PCDHA6: variants seen among roughly 807,000 people sequenced by gnomAD.
PCDHA6 encodes protocadherin alpha 6.
A neutral mutation model predicts 60.3 loss-of-function variants in PCDHA6; 55 were observed. The ratio of observed to expected loss-of-function variants is 0.91; its 90% CI spans 0.73 to 1.14. The LOEUF (loss-of-function observed/expected upper bound fraction) is 1.14, where lower values mean the gene tolerates loss of function less well. Among genes scored for constraint, PCDHA6 ranks in the 50% most tolerant of loss-of-function variants. PCDHA6 has a pLI of 0.00. For missense variants in PCDHA6, 1,327 were observed against 1,256.5 expected, an observed-to-expected ratio of 1.06 and a Z score of -0.85; for synonymous variants, 652 against 557.9, an observed-to-expected ratio of 1.17 and a Z score of -2.38.
intron 1 of PCDHA6, among the ~76,000 whole-genome samples, chr5:140,873,882 A>G (rs1311106784): frequency 6.6e-6 from 1 of 152,152 alleles, no homozygotes; most frequent in Non-Finnish European, 1.5e-5. Context: ...GCTGGTCTTG[A>G]ACTCCTGACC....
chr5:140,930,098 A>G (rs1345846320), intron 1 of PCDHA6: 1 of 152,124 alleles, frequency 6.6e-6, no homozygotes, highest in Non-Finnish European at 1.5e-5. Flanking sequence ...ATTTATACTG[A>G]TAGGAGATCA....
At chr5:140,950,551 G>T (rs1162032370) in intron 1 of PCDHA6, among the ~76,000 whole-genome samples, 1 of 151,932 alleles carries the variant, frequency 6.6e-6, no homozygotes, top group African/African-American at 2.4e-5. Context: ...CATGGCTGGG[G>T]GGACACTTAT....
intron 1 of PCDHA6, among the ~76,000 whole-genome samples, chr5:140,965,456 G>A (rs2095902676): frequency 6.6e-6 from 1 of 151,710 alleles, no homozygotes; most frequent in Admixed American, 6.6e-5. Context: ...GTTATTGTAA[G>A]ATAAATCCCA....
At chr5:140,939,285 T>A (rs2092357056) in intron 1 of PCDHA6, among the ~76,000 whole-genome samples, 1 of 152,108 alleles carries the variant, frequency 6.6e-6, no homozygotes, top group Admixed American at 6.5e-5. Flanking sequence ...GCCCTCGTGA[T>A]CTAATCATCT....
At chr5:140,889,231 T>G (rs1456128446) in intron 1 of PCDHA6, among the ~76,000 whole-genome samples, 2 of 151,912 alleles carry the variant, frequency 1.3e-5, no homozygotes, top group Non-Finnish European at 2.9e-5. Flanking sequence ...TTTGAAAACT[T>G]CCAGAAAATT....
intron 1 of PCDHA6, among the ~76,000 whole-genome samples, chr5:140,942,908 G>A (rs187574457): frequency 2.6e-5 from 4 of 151,726 alleles, no homozygotes; most frequent in African/African-American, 9.7e-5. Flanking sequence ...AAGAATAAGC[G>A]TGAAGAAAAA....
chr5:140,836,076 C>G (rs1387042597), intron 1 of PCDHA6: 1 of 1,613,592 alleles, frequency 6.2e-7, no homozygotes, highest in Admixed American at 1.7e-5. Context: ...CGCGCCGGCA[C>G]TGCTGGCGCC....
chr5:141,000,421 ATTTTT>A (rs34755515), intron 3 of PCDHA6, among the ~76,000 whole-genome samples: 89 of 27,938 alleles, frequency 3.2e-3, no homozygotes, highest in East Asian at 4.2e-3. Flanking sequence ...ATATATATAT[ATTTTT>A]TTTTTTTTTT....
intron 1 of PCDHA6, among the ~76,000 whole-genome samples, chr5:140,959,712 T>A (rs166567): frequency 0.25 from 37,822 of 152,086 alleles, 5,932 homozygotes; most frequent in African/African-American, 0.45. Flanking sequence ...AAAGGGAAAA[T>A]TTTTAGATAA....
At chr5:140,875,253 A>C in intron 1 of PCDHA6, 1 of 1,053,108 alleles carries the variant, frequency 9.5e-7, no homozygotes, top group Non-Finnish European at 1.3e-6. Flanking sequence ...AATCAGTCAC[A>C]TGATGTCGCT....
In PCDHA6 at chr5:141,011,945, A is replaced by G. The variant is rs1588262929; in HGVS notation, c.*2008A>G. On this transcript the variant is annotated 3_prime_UTR_variant, in exon 4 of 4. Transcript: ENST00000529310. ...AGGTAGGAGTCTGTTATTTAAAAAAAGCATTAAATTTAAAAAAAAACTGTC... is the reference window on the plus strand; with the variant it reads ...AGGTAGGAGTCTGTTATTTAAAAAAGGCATTAAATTTAAAAAAAAACTGTC... 6.5e-6 allele frequency: 1 copy of G among 153,752 alleles called. No individual in the cohort carries two copies. The highest frequency in any genetic ancestry group is 1.5e-5 in the Non-Finnish European group (1 of 68,044). The allele number at this position is 153,752 out of a possible 1,614,324, so 9.5% of individuals were successfully genotyped here. A position where few individuals can be genotyped will look rare whatever the true frequency, so the allele number is the denominator to read the frequency against.
At chr5:140,906,643 G>A (rs1049197869) in intron 1 of PCDHA6, among the ~76,000 whole-genome samples, 14 of 152,222 alleles carry the variant, frequency 9.2e-5, no homozygotes, top group South Asian at 4.1e-4. Context: ...TCAGCAGGTA[G>A]TGGTTTTTTC....
chr5:140,855,025 A>G (rs2043311699), intron 1 of PCDHA6, among the ~76,000 whole-genome samples: 1 of 149,914 alleles, frequency 6.7e-6, no homozygotes. Context: ...AACTTCTTGT[A>G]TAAAGGATTT....
At chr5:140,894,656 C>T (rs2064591261) in intron 1 of PCDHA6, among the ~76,000 whole-genome samples, 2 of 151,616 alleles carry the variant, frequency 1.3e-5, no homozygotes, top group Non-Finnish European at 2.9e-5. Flanking sequence ...CTCTCTAATT[C>T]TGATTTGTGT....
chr5:140,916,819 C>T (rs2077741305), intron 1 of PCDHA6, among the ~76,000 whole-genome samples: 1 of 152,084 alleles, frequency 6.6e-6, no homozygotes, highest in Non-Finnish European at 1.5e-5. Context: ...CATGTGCCAC[C>T]CCTATCCCTC....
In PCDHA6 at chr5:140,862,738, T is replaced by C. The variant is rs189052602; in HGVS notation, c.2394+32253T>C. 560 of 577,110 alleles carry C rather than the reference T, an allele frequency of 9.7e-4. 3 individuals are homozygous for C. The highest frequency in any genetic ancestry group is 1.5e-3 in the Non-Finnish European group (445 of 297,984). 35.7% of individuals were successfully genotyped at this position (577,110 alleles called of 1,614,324 possible). ...CGAGTGCGCGCTGTCTAGCTATGTG[T>C]GGGTGCACGCGGAGAGCGGCAAGAG... On this transcript the variant is annotated intron_variant, in intron 1 of 3. Coordinates refer to ENST00000529310, the MANE Select transcript of PCDHA6 (RefSeq NM_018909.4).
intron 1 of PCDHA6, among the ~76,000 whole-genome samples, chr5:140,951,684 A>G (rs1392497741): frequency 3.3e-5 from 5 of 152,144 alleles, no homozygotes; most frequent in African/African-American, 1.2e-4. Flanking sequence ...GGGGATTACA[A>G]TGTGACATGA....
intron 1 of PCDHA6, among the ~76,000 whole-genome samples, chr5:140,925,206 G>C (rs576558414): frequency 6.6e-6 from 1 of 152,116 alleles, no homozygotes; most frequent in African/African-American, 2.4e-5. Context: ...AATAATTATC[G>C]ATACTTTTAG....
chr5:140,905,771 G>A lies in PCDHA6; in HGVS notation c.2395-73178G>A, dbSNP rs112500166. ...TCACCTCCTTGGTTAAGTATATTCC[G>A]AAGTGTATTAGTCAGGGTTCTCTAG... is the stretch of plus-strand genomic sequence containing the variant. On this transcript the variant is annotated intron_variant, in intron 1 of 3. Coordinates refer to ENST00000529310, the MANE Select transcript of PCDHA6 (RefSeq NM_018909.4). Among the ~76,000 whole-genome samples the A allele has an allele frequency of 4.4e-3, 670 of 152,104 alleles. 7 individuals are homozygous for A. Among genetic ancestry groups the A allele is most frequent in the African/African-American group, 0.015 (623 of 41,484 alleles).
Sources: gnomAD v4.1 joint callset for allele counts (sites outside exome capture counted in the v4.1 genomes callset) on GRCh38, gnomAD v4.1.1 for gene constraint, MANE v1.5 for transcripts, NCBI Gene and HGNC (gene_info 2026-07-23, HGNC 2026-07-21) for gene names.